Variants in ZNF521 observed in about 807,000 individuals in gnomAD.
ZNF521 encodes LYST-interacting protein 3.
A neutral mutation model predicts 105.5 loss-of-function variants in ZNF521; 14 were observed. The ratio of observed to expected loss-of-function variants is 0.13; its 90% CI spans 0.09 to 0.21. The LOEUF (loss-of-function observed/expected upper bound fraction) is 0.21. ZNF521 is among the 10% of genes least tolerant of loss of function. The pLI is 1.00. For missense variants in ZNF521, 1,233 were observed against 1,629.7 expected (o/e 0.76, Z 4.19); for synonymous variants, 635 against 606.0 (o/e 1.05, Z -0.70).
Position 25,225,882 on chromosome 18 carries a change from A to G in ZNF521, c.2036T>C (p.Leu679Ser). 6.2e-7 allele frequency: 1 copy of G among 1,614,194 alleles called. No individual in the cohort carries two copies. The highest frequency in any genetic ancestry group is 1.3e-5 in the African/African-American group (1 of 75,076). ...AAAGTGAATGGTAACATGCTTCAGC[A>G]AGGATTCTTGGTTGGGGAATTCCTT... ...CNKEFPNQES[L>S]LKHVTIHFMI... The change falls in exon 4 of 8, where the codon TTG becomes TCG. Residue 679 changes from leucine to serine, a missense_variant. This residue lies in a region of ZNF521 where 614 missense variants were observed against 751.5 expected (regional missense o/e 0.82). Coordinates refer to ENST00000361524, the MANE Select transcript of ZNF521 (RefSeq NM_015461.3). This position sits in a 1 kb window ranked among gnomAD's most constrained non-coding sequence, Gnocchi z 5.6.
At chr18:25,253,672 C>T (rs1033053043) in intron 3 of ZNF521, among the ~76,000 whole-genome samples, 1 of 152,040 alleles carries the variant, frequency 6.6e-6, no homozygotes, top group Non-Finnish European at 1.5e-5. Context: ...TACAATGGAG[C>T]TGTCATAAGT....
intron 3 of ZNF521, among the ~76,000 whole-genome samples, chr18:25,305,980 G>A (rs1056020233): frequency 1.4e-4 from 22 of 152,176 alleles, no homozygotes; most frequent in African/African-American, 4.3e-4. Flanking sequence ...ACCTTTACAG[G>A]TAAATGTTCA....
At chr18:25,169,732 G>C (rs1366094826) in intron 5 of ZNF521, among the ~76,000 whole-genome samples, 3 of 152,146 alleles carry the variant, frequency 2.0e-5, no homozygotes, top group African/African-American at 7.2e-5. Context: ...ATACTGAAAT[G>C]AGGGTGGGGA....
chr18:25,306,506 T>C (rs1405118596), intron 3 of ZNF521, among the ~76,000 whole-genome samples: 1 of 152,210 alleles, frequency 6.6e-6, no homozygotes, highest in Non-Finnish European at 1.5e-5. Context: ...TCTAATCCTG[T>C]GAGACTAAAG....
intron 5 of ZNF521, among the ~76,000 whole-genome samples, chr18:25,166,228 AT>A: frequency 6.6e-6 from 1 of 152,282 alleles, no homozygotes; most frequent in East Asian, 1.9e-4. Context: ...CAGGGTACAG[AT>A]TTTTCTACAA....
chr18:25,063,134 C>T (rs1244751808), intron 7 of ZNF521, among the ~76,000 whole-genome samples: 4 of 152,174 alleles, frequency 2.6e-5, no homozygotes, highest in Non-Finnish European at 5.9e-5. Flanking sequence ...TATTAAGATA[C>T]GACCCAGTGT....
chr18:25,111,422 G>A (rs1426318512), intron 5 of ZNF521, among the ~76,000 whole-genome samples: 1 of 152,158 alleles, frequency 6.6e-6, no homozygotes, highest in African/African-American at 2.4e-5. Context: ...GAGGACTCAT[G>A]TGATTTTAAA....
At chr18:25,129,274 T>A (rs1399362752) in intron 5 of ZNF521, among the ~76,000 whole-genome samples, 32 of 141,148 alleles carry the variant, frequency 2.3e-4, no homozygotes, top group East Asian at 5.9e-4. Context: ...TAATTATTAT[T>A]ATTATTATTA....
intron 3 of ZNF521, among the ~76,000 whole-genome samples, chr18:25,280,667 T>C (rs1233090740): frequency 2.0e-5 from 3 of 152,206 alleles, no homozygotes; most frequent in African/African-American, 4.8e-5. Context: ...TGTGAGATTT[T>C]GGGCAAACTA....
At chr18:25,103,591 C>T (rs1245020619) in intron 5 of ZNF521, among the ~76,000 whole-genome samples, 1 of 152,124 alleles carries the variant, frequency 6.6e-6, no homozygotes, top group Non-Finnish European at 1.5e-5. Context: ...CTCTCTTGGG[C>T]ACCATTCTGG....
chr18:25,173,272 T>G (rs1360577399), intron 5 of ZNF521, among the ~76,000 whole-genome samples: 1 of 152,238 alleles, frequency 6.6e-6, no homozygotes, highest in African/African-American at 2.4e-5. Context: ...GGATAGGTGC[T>G]GGTTTGATGA....
At chr18:25,294,481 T>C (rs1911210450) in intron 3 of ZNF521, among the ~76,000 whole-genome samples, 1 of 152,226 alleles carries the variant, frequency 6.6e-6, no homozygotes, top group African/African-American at 2.4e-5. Flanking sequence ...TTTTTCACCA[T>C]GTGCAAATTA....
chr18:25,223,081 A>C (rs1041849591), intron 4 of ZNF521, among the ~76,000 whole-genome samples: 1 of 152,248 alleles, frequency 6.6e-6, no homozygotes, highest in Non-Finnish European at 1.5e-5. Context: ...AAAACTTGGA[A>C]AACCCTCATT....
chr18:25,221,380 G>A (rs1905718073), intron 4 of ZNF521, among the ~76,000 whole-genome samples: 1 of 151,954 alleles, frequency 6.6e-6, no homozygotes, highest in African/African-American at 2.4e-5. Context: ...TTTTAATTAG[G>A]TATCCTACCT....
chr18:25,203,335 G>A (rs929154297), intron 4 of ZNF521, among the ~76,000 whole-genome samples: 19 of 152,154 alleles, frequency 1.2e-4, no homozygotes, highest in African/African-American at 4.6e-4. Context: ...ACTGTTACAA[G>A]GCCTGGTGTG....
chr18:25,334,762 A>C (rs73397265), intron 2 of ZNF521, among the ~76,000 whole-genome samples: 2,484 of 152,296 alleles, frequency 0.016, 19 homozygotes, highest in Middle Eastern at 0.024. Flanking sequence ...CCACCCCTAG[A>C]GACTTTGCAA....
At chr18:25,314,266 C>T (rs1600294779) in intron 3 of ZNF521, among the ~76,000 whole-genome samples, 1 of 152,272 alleles carries the variant, frequency 6.6e-6, no homozygotes, top group Non-Finnish European at 1.5e-5. Flanking sequence ...AACTACTCAT[C>T]TCCCTTATTC....
At chr18:25,211,885 A>G (rs1456008180) in intron 4 of ZNF521, among the ~76,000 whole-genome samples, 3 of 152,230 alleles carry the variant, frequency 2.0e-5, no homozygotes, top group African/African-American at 4.8e-5. Flanking sequence ...TAATTTTTAT[A>G]CATGTCAGTA....
chr18:25,286,427 T>C (rs1010451643), intron 3 of ZNF521, among the ~76,000 whole-genome samples: 2 of 152,110 alleles, frequency 1.3e-5, no homozygotes, highest in Non-Finnish European at 2.9e-5. Context: ...AATGACAAGA[T>C]TTGCACATCA....
Sources: allele counts gnomAD v4.1 joint callset (sites outside exome capture counted in the v4.1 genomes callset), GRCh38; gene constraint gnomAD v4.1.1; regional missense constraint gnomAD v4.1.1; non-coding constraint Gnocchi (gnomAD v3.1); transcripts MANE v1.5; gene names NCBI Gene and HGNC (gene_info 2026-07-23, HGNC 2026-07-21).